UBE3C: variants seen among roughly 807,000 people sequenced by gnomAD.
UBE3C encodes ubiquitin-protein ligase E3C.
In UBE3C, 42 loss-of-function variants were observed where a neutral mutation model predicts 129.4. The ratio of observed to expected loss-of-function variants is 0.32; its 90% CI spans 0.25 to 0.42. UBE3C has a LOEUF of 0.42. Among genes scored for constraint, UBE3C ranks in the 10% least tolerant of loss-of-function variants. The probability of loss-of-function intolerance (pLI) is 1.00; values close to 1 mark genes in which losing one functional copy is unlikely to be tolerated. For missense variants in UBE3C, 1,049 were observed against 1,319.1 expected, an observed-to-expected ratio of 0.80 and a Z score of 3.17; for synonymous variants, 510 against 492.4, an observed-to-expected ratio of 1.04 and a Z score of -0.47.
chr7:157,139,371 C>A, intron 1 of UBE3C, 33 bp downstream of exon 1: 1 of 1,536,986 alleles, frequency 6.5e-7, no homozygotes, highest in Non-Finnish European at 8.7e-7. Context: ...GCCCTCGGCT[C>A]GGGGCCTGCG....
At chr7:157,217,326 T>G (rs1313388862) in intron 14 of UBE3C, 3 of 166,612 alleles carry the variant, frequency 1.8e-5, no homozygotes, top group Admixed American at 6.4e-5. Flanking sequence ...TTTGTGATTT[T>G]TTTTTTTTGA....
intron 18 of UBE3C, among the ~76,000 whole-genome samples, chr7:157,232,211 C>T (rs1408367871): frequency 6.6e-6 from 1 of 152,152 alleles, no homozygotes; most frequent in East Asian, 1.9e-4. Flanking sequence ...GTAACTTCAT[C>T]TTAATTTGGT....
intron 1 of UBE3C, among the ~76,000 whole-genome samples, chr7:157,143,330 A>G (rs539947005): frequency 1.3e-5 from 2 of 152,280 alleles, no homozygotes; most frequent in Admixed American, 6.5e-5. Context: ...ATGGACTAAA[A>G]CTAGCTTAGT....
chr7:157,210,590 A>G (rs1200791838), intron 13 of UBE3C, among the ~76,000 whole-genome samples: 3 of 152,236 alleles, frequency 2.0e-5, no homozygotes, highest in African/African-American at 4.8e-5. Flanking sequence ...ATGATGGTAG[A>G]ACCAGCTGCT....
At chr7:157,178,879 C>T in intron 6 of UBE3C, 32 bp downstream of exon 6, 1 of 1,607,822 alleles carries the variant, frequency 6.2e-7, no homozygotes, top group Non-Finnish European at 8.5e-7. Flanking sequence ...AACTGTGGCT[C>T]AGCATCCTGA....
chr7:157,179,782 T>G (rs932921785), intron 6 of UBE3C, among the ~76,000 whole-genome samples: 3 of 152,180 alleles, frequency 2.0e-5, no homozygotes, highest in Admixed American at 1.3e-4. Flanking sequence ...GTCCTCTTGG[T>G]CCTCTGTCAA....
intron 18 of UBE3C, among the ~76,000 whole-genome samples, chr7:157,246,599 T>C (rs763537058): frequency 2.6e-5 from 4 of 152,096 alleles, no homozygotes; most frequent in Non-Finnish European, 4.4e-5. Context: ...AGGGTCTGGG[T>C]CTATCACAGC....
chr7:157,262,408 G>T (rs1475203765), intron 22 of UBE3C, among the ~76,000 whole-genome samples: 5 of 19,704 alleles, frequency 2.5e-4, no homozygotes, highest in Non-Finnish European at 5.2e-4. Flanking sequence ...CTCTTCATAG[G>T]CTTTTTTTTT....
At chr7:157,184,366 T>C (rs1005091604) in intron 9 of UBE3C, among the ~76,000 whole-genome samples, 3 of 152,224 alleles carry the variant, frequency 2.0e-5, no homozygotes, top group African/African-American at 7.2e-5. Flanking sequence ...CCCTATCCTG[T>C]GAACACCGGG....
intron 3 of UBE3C, among the ~76,000 whole-genome samples, chr7:157,169,807 A>G (rs577036448): frequency 4.0e-4 from 61 of 152,280 alleles, no homozygotes; most frequent in African/African-American, 1.4e-3. Flanking sequence ...CAGCCTCCTG[A>G]GTAGCTGGGA....
chr7:157,139,344 G>A lies in UBE3C; in HGVS notation c.66+6G>A. ...TTGGCGGCGCGAGCAGGAAGGTGAG[G>A]GCCGGGCTGGCGGGGCGCCCTCGGC... On this transcript the variant is annotated splice_donor_region_variant and intron_variant, in intron 1 of 22. Transcript: ENST00000348165. 1 of 1,573,630 alleles carries A rather than the reference G, an allele frequency of 6.4e-7. No homozygotes were observed. The highest frequency in any genetic ancestry group is 1.4e-5 in the African/African-American group (1 of 72,174).
At chr7:157,178,139 C>T (rs2116911012) in intron 5 of UBE3C, among the ~76,000 whole-genome samples, 1 of 152,220 alleles carries the variant, frequency 6.6e-6, no homozygotes, top group Non-Finnish European at 1.5e-5. Flanking sequence ...TTGGTGCGGC[C>T]TGCCCGACTG....
intron 1 of UBE3C, among the ~76,000 whole-genome samples, chr7:157,159,061 G>A (rs1431852582): frequency 6.6e-6 from 1 of 152,172 alleles, no homozygotes; most frequent in Non-Finnish European, 1.5e-5. Context: ...TAATTCTCTA[G>A]CCTTGTGAAG....
rs754390625 is a variant in UBE3C at position 157,225,850 on chromosome 7, C to T, written c.2233+311C>T. ...CCTGTTGTCCCTGCTCTGCAAAAGG[C>T]TGAGGCGGGAGGATGGCTTGAGCCT... On this transcript the variant is annotated intron_variant, in intron 17 of 22. Coordinates refer to ENST00000348165, the MANE Select transcript of UBE3C (RefSeq NM_014671.3). Among the ~76,000 whole-genome samples, 28 of 152,124 alleles carry T rather than the reference C, an allele frequency of 1.8e-4. 1 individual carries two copies. The highest frequency in any genetic ancestry group is 3.5e-4 in the Non-Finnish European group (24 of 68,026).
intron 1 of UBE3C, among the ~76,000 whole-genome samples, chr7:157,149,149 C>G (rs1478289804): frequency 6.6e-6 from 1 of 152,036 alleles, no homozygotes; most frequent in Non-Finnish European, 1.5e-5. Context: ...CTCCGCCTGC[C>G]AGGTTCAAGC....
intron 7 of UBE3C, 150 bp from the exon 8 acceptor site, chr7:157,181,958 T>C (rs1808676818): frequency 1.2e-6 from 1 of 863,104 alleles, no homozygotes; most frequent in East Asian, 2.8e-5. Context: ...TTACTTTAGG[T>C]TGATCTAGTT....
chr7:157,214,288 CTTAA>C (rs753051707), intron 13 of UBE3C, among the ~76,000 whole-genome samples: 40 of 152,172 alleles, frequency 2.6e-4, no homozygotes, highest in Admixed American at 2.5e-3. Context: ...TAAATGAGAA[CTTAA>C]TTGTCTCATA....
intron 11 of UBE3C, among the ~76,000 whole-genome samples, chr7:157,203,939 C>G (rs773664056): frequency 6.6e-5 from 10 of 152,156 alleles, no homozygotes; most frequent in Non-Finnish European, 1.5e-4. Flanking sequence ...AAAACGTGCT[C>G]AAAATATGTG....
chr7:157,169,498 C>G (rs1394905607), intron 3 of UBE3C, among the ~76,000 whole-genome samples: 1 of 151,950 alleles, frequency 6.6e-6, no homozygotes, highest in Non-Finnish European at 1.5e-5. Context: ...GCCTCAGCCT[C>G]CCGAGTAGCT....
Sources: gnomAD v4.1 joint callset for allele counts (sites outside exome capture counted in the v4.1 genomes callset) on GRCh38, gnomAD v4.1.1 for gene constraint, MANE v1.5 for transcripts, NCBI Gene and HGNC (gene_info 2026-07-23, HGNC 2026-07-21) for gene names.